Variants in PIGG observed in about 807,000 individuals in gnomAD.
PIGG encodes the protein GPI ethanolamine phosphate transferase 2, catalytic subunit.
PIGG carries 70 observed loss-of-function variants against 83.2 expected under a neutral mutation model. The ratio of observed to expected loss-of-function variants is 0.84; its 90% CI spans 0.69 to 1.03. PIGG has a LOEUF of 1.03. PIGG is among the 50% of genes least tolerant of loss of function. The pLI, the probability that PIGG is intolerant of heterozygous loss-of-function variation, is 0.00. For synonymous variants in PIGG, 532 were observed against 519.5 expected (o/e 1.02, Z -0.33); for missense variants, 1,257 against 1,233.6 (o/e 1.02, Z -0.28).
chr4:530,977 C>G, intron 11 of PIGG: 1 of 523,220 alleles, frequency 1.9e-6, no homozygotes, highest in Non-Finnish European at 3.3e-6. Context: ...CTTTGCTGGG[C>G]CAGGCCTGGG....
Position 527,190 on chromosome 4 carries a change from G to A in PIGG, c.2221G>A (p.Val741Ile). The A allele has an allele frequency of 6.2e-7, 1 of 1,607,366 alleles. No individual in the cohort carries two copies. Among genetic ancestry groups the A allele is most frequent in the Non-Finnish European group, 8.5e-7 (1 of 1,176,496 alleles). Residue 741 changes from valine (V) to isoleucine (I), a missense_variant, in exon 10 of 13, where the codon GTC becomes ATC. Coordinates refer to ENST00000453061, the MANE Select transcript of PIGG (RefSeq NM_001127178.3). Reference sequence around the variant, plus strand: ...CTGCTACCGGGCGGCCATCGGGAGTGTCCGGTTCCCGTGGCGGCCGGACAG... The same window carrying A: ...CTGCTACCGGGCGGCCATCGGGAGTATCCGGTTCCCGTGGCGGCCGGACAG... ...VYCYRAAIGS[V>I]RFPWRPDSKD...
rs751484551 is a variant in PIGG, at chr4:523,491, G to C, written c.1647G>C (p.Glu549Asp). 3.7e-6 allele frequency: 6 copies of C among 1,613,904 alleles called. No individual in the cohort carries two copies. Among genetic ancestry groups the C allele is most frequent in the Non-Finnish European group, 4.2e-6 (5 of 1,179,886 alleles). Reference protein sequence around the residue: ...NPMHPSSRWSELDLLILLGTA... With the variant: ...NPMHPSSRWSDLDLLILLGTA... ...TGCATCCCAGCTCAAGGTGGTCAGAGCTAGACCTTCTTATTCTGTTGGGGA... is the reference window on the plus strand; with the variant it reads ...TGCATCCCAGCTCAAGGTGGTCAGACCTAGACCTTCTTATTCTGTTGGGGA... Residue 549 changes from glutamate (E) to aspartate (D), a missense_variant, in exon 9 of 13, where the codon GAG (glutamate) becomes GAC (aspartate). Transcript: ENST00000453061.
Position 505,786 on chromosome 4 carries a change from G to T in PIGG, c.429G>T (p.Leu143=). The T allele has an allele frequency of 6.2e-7, 1 of 1,613,576 alleles. No homozygotes were observed. The highest frequency in any genetic ancestry group is 8.5e-7 in the Non-Finnish European group (1 of 1,179,888). Residue 143 remains leucine, a synonymous_variant, in exon 3 of 13, where the codon CTG becomes CTT. Coordinates refer to ENST00000453061, the MANE Select transcript of PIGG (RefSeq NM_001127178.3). Reference sequence around the variant, plus strand: ...GGAACCTCAATTCTCCTGCACTGCTGGAAGACAGTGTGATAAGACAAGCAA... The same window carrying T: ...GGAACCTCAATTCTCCTGCACTGCTTGAAGACAGTGTGATAAGACAAGCAA... ...VIRNLNSPAL[L]EDSVIRQAKA...
At chr4:520,037 T>C (rs1725286761) in intron 6 of PIGG, among the ~76,000 whole-genome samples, 2 of 152,164 alleles carry the variant, frequency 1.3e-5, no homozygotes, top group Admixed American at 6.5e-5. Context: ...GGGGCGGGCC[T>C]GCAGGCGTAT....
At position 528,088 on chromosome 4, in the gene PIGG, G is replaced by T. The variant is rs73072155; in HGVS notation, c.2261+858G>T. ...GCTCTGACAGTGACCGTCCCAGTGA[G>T]GTCGGTGCTCTGATAGTGACCCTCT... On this transcript the variant is annotated intron_variant, in intron 10 of 12. Transcript: ENST00000453061. This position sits in a 1 kb window ranked among gnomAD's most constrained non-coding sequence, Gnocchi z 4.8. 737 of 985,180 alleles carry T rather than the reference G, an allele frequency of 7.5e-4. 3 individuals are homozygous for T. In the African/African-American group the frequency reaches 0.012, roughly 16 times the overall value. The allele number at this position is 985,180 out of a possible 1,614,324, so 61.0% of individuals were successfully genotyped here.
chr4:528,423 G>T lies in PIGG; in HGVS notation c.2261+1193G>T, dbSNP rs1315177628. On this transcript the variant is annotated intron_variant, in intron 10 of 12. Coordinates refer to ENST00000453061, the MANE Select transcript of PIGG (RefSeq NM_001127178.3). The surrounding 1 kb of genome is among the most constrained non-coding windows in gnomAD (Gnocchi z 4.8). ...CTGAGGGCTGTGGCCAGCCTGAGGG[G>T]TGGCCGTGGGGCTCCGGGGGCACCC... 1.0e-6 allele frequency: 1 copy of T among 985,060 alleles called. No homozygotes were observed. The highest frequency in any genetic ancestry group is 5.2e-4 in the Middle Eastern group (1 of 1,936). The allele number at this position is 985,060 out of a possible 1,614,324, so 61.0% of individuals were successfully genotyped here.
chr4:517,856 G>A (rs1469361873), intron 6 of PIGG, among the ~76,000 whole-genome samples: 1 of 152,156 alleles, frequency 6.6e-6, no homozygotes, highest in African/African-American at 2.4e-5. Flanking sequence ...TGACGCAGCC[G>A]CGTTCATCAA....
intron 9 of PIGG, among the ~76,000 whole-genome samples, chr4:526,681 G>A (rs148278917): frequency 5.1e-4 from 77 of 151,610 alleles, no homozygotes; most frequent in Admixed American, 4.6e-4. Context: ...TGGGAGACCC[G>A]TTTGTGAATG....
chr4:516,250 C>T (rs955318333), intron 6 of PIGG, 65 bp downstream of exon 6: 9 of 1,068,378 alleles, frequency 8.4e-6, no homozygotes, highest in African/African-American at 1.6e-5. Context: ...CGGGTTTCTC[C>T]GATGTGTTTC....
intron 3 of PIGG, chr4:506,717 G>A (rs782748932): frequency 4.4e-6 from 2 of 454,982 alleles, no homozygotes; most frequent in South Asian, 1.6e-5. Context: ...TCTATTGGGG[G>A]CTGATCAACT....
At chr4:538,774 C>T (rs1195876007) in intron 12 of PIGG, among the ~76,000 whole-genome samples, 1 of 152,198 alleles carries the variant, frequency 6.6e-6, no homozygotes. Flanking sequence ...TTTTTACATA[C>T]AGTCAAGTTT....
chr4:514,254 A>G, intron 5 of PIGG, among the ~76,000 whole-genome samples: 1 of 152,184 alleles, frequency 6.6e-6, no homozygotes, highest in Non-Finnish European at 1.5e-5. Flanking sequence ...CTTTACCCCC[A>G]TAATCTTGAT....
chr4:513,068 C>T (rs781795534), intron 5 of PIGG, among the ~76,000 whole-genome samples: 6 of 152,152 alleles, frequency 3.9e-5, no homozygotes, highest in Non-Finnish European at 8.8e-5. Context: ...GAGCAGGCCA[C>T]GGTTCAAGGG....
intron 5 of PIGG, 140 bp downstream of exon 5, chr4:509,110 G>A: frequency 4.8e-6 from 3 of 623,302 alleles, no homozygotes; most frequent in African/African-American, 1.8e-5. Context: ...AAGTAATTGG[G>A]CAAAAGGCTT....
chr4:511,906 G>A (rs1186115335), intron 5 of PIGG, among the ~76,000 whole-genome samples: 2 of 152,184 alleles, frequency 1.3e-5, no homozygotes, highest in Non-Finnish European at 2.9e-5. Flanking sequence ...CACTTTGAAT[G>A]TGCTGTCTCA....
At chr4:505,646 A>AG in intron 2 of PIGG, 72 bp from the exon 3 acceptor site, 1 of 1,149,008 alleles carries the variant, frequency 8.7e-7, no homozygotes, top group Admixed American at 2.1e-5. Context: ...AAAAAAAAAA[A>AG]AAATCTTCAG....
intron 10 of PIGG, among the ~76,000 whole-genome samples, chr4:529,084 C>T (rs769657795): frequency 5.3e-5 from 8 of 152,048 alleles, no homozygotes; most frequent in Admixed American, 2.0e-4. Flanking sequence ...GAGGTGGAAG[C>T]GGGGTGGGCC....
At chr4:530,362 G>A (rs1275090705) in intron 10 of PIGG, 74 bp from the exon 11 acceptor site, 2 of 1,119,578 alleles carry the variant, frequency 1.8e-6, no homozygotes, top group Admixed American at 1.9e-5. Context: ...AGATAGGTGT[G>A]TTTTTCATGG....
chr4:523,499 T>A lies in PIGG; in HGVS notation c.1655T>A (p.Leu552His). The A allele has an allele frequency of 2.5e-6, 4 of 1,614,048 alleles. No individual in the cohort carries two copies. Among genetic ancestry groups the A allele is most frequent in the Non-Finnish European group, 3.4e-6 (4 of 1,179,974 alleles). ...AGCTCAAGGTGGTCAGAGCTAGACCTTCTTATTCTGTTGGGGACGGCGGGC... is the reference window on the plus strand; with the variant it reads ...AGCTCAAGGTGGTCAGAGCTAGACCATCTTATTCTGTTGGGGACGGCGGGC... Reference protein sequence around the residue: ...HPSSRWSELDLLILLGTAGHV... With the variant: ...HPSSRWSELDHLILLGTAGHV... The change falls in exon 9 of 13, where the codon CTT becomes CAT. Residue 552 changes from leucine (L) to histidine (H), a missense_variant. Physicochemically the swap from Leu to His is moderately conservative, Grantham distance 99. Coordinates refer to ENST00000453061, the MANE Select transcript of PIGG (RefSeq NM_001127178.3).
Sources: gnomAD v4.1 joint callset for allele counts (sites outside exome capture counted in the v4.1 genomes callset) on GRCh38, gnomAD v4.1.1 for gene constraint, Gnocchi (gnomAD v3.1) non-coding constraint, MANE v1.5 for transcripts, NCBI Gene and HGNC (gene_info 2026-07-23, HGNC 2026-07-21) for gene names.